Variants in INO80 observed in about 807,000 individuals in gnomAD.
The protein encoded by INO80 is INO80 complex ATPase subunit.
In INO80, 20 loss-of-function variants were observed where a neutral mutation model predicts 203.4. The ratio of observed to expected loss-of-function variants is 0.10; its 90% confidence interval spans 0.07 to 0.14. The LOEUF (loss-of-function observed/expected upper bound fraction) is 0.14. Ranked by LOEUF, INO80 falls within the 10% of genes least tolerant of loss-of-function variation. The probability of loss-of-function intolerance (pLI) is 1.00; values close to 1 mark genes in which losing one functional copy is unlikely to be tolerated. For synonymous variants in INO80, 726 were observed against 685.2 expected (o/e 1.06, Z -0.93); for missense variants, 1,419 against 1,914.4 (o/e 0.74, Z 4.83).
At chr15:41,083,029 T>C (rs2045507765) in intron 7 of INO80, among the ~76,000 whole-genome samples, 1 of 151,798 alleles carries the variant, frequency 6.6e-6, no homozygotes, top group African/African-American at 2.4e-5. Flanking sequence ...ACGTCTGCAA[T>C]CCCGGCACTA....
intron 29 of INO80, among the ~76,000 whole-genome samples, chr15:40,994,486 C>A (rs1415499893): frequency 6.6e-6 from 1 of 152,032 alleles, no homozygotes; most frequent in Non-Finnish European, 1.5e-5. Flanking sequence ...GCCTCAGCCT[C>A]CCGAGTAGCT....
intron 13 of INO80, 152 bp from the exon 14 acceptor site, chr15:41,069,817 T>C (rs1165748673): frequency 3.4e-6 from 2 of 589,274 alleles, no homozygotes; most frequent in Non-Finnish European, 5.9e-6. Context: ...AATAGTAATA[T>C]CCTATGTTAA....
rs780020254 is a variant in INO80 at position 40,984,185 on chromosome 15, A to G, written c.4077+12T>C. The G allele has an allele frequency of 3.1e-6, 5 of 1,612,102 alleles. 1 individual carries two copies. The South Asian group carries it at 5.5e-5, about 18-fold the overall frequency. Reference sequence around the variant, plus strand: ...TTACGGCTGTGATGCAGGCATCTAAAAGGAGCCTCACCTCACTGAAAGGGC... The same window carrying G: ...TTACGGCTGTGATGCAGGCATCTAAGAGGAGCCTCACCTCACTGAAAGGGC... On this transcript the variant is annotated intron_variant, in intron 33 of 35. Transcript: ENST00000648947.
intron 4 of INO80, among the ~76,000 whole-genome samples, chr15:41,094,290 T>C (rs2045687877): frequency 6.6e-6 from 1 of 152,176 alleles, no homozygotes; most frequent in South Asian, 2.1e-4. Context: ...ACCATCCTCC[T>C]CATTCACTGT....
chr15:41,087,141 A>C (rs1488179912), intron 6 of INO80, among the ~76,000 whole-genome samples: 4 of 152,170 alleles, frequency 2.6e-5, no homozygotes, highest in African/African-American at 7.2e-5. Context: ...GGAAAAAAAA[A>C]AAAGAATGGT....
rs1334300455 is a variant in INO80 at position 40,982,974 on chromosome 15, G to T, written c.4341C>A (p.Gly1447=). ...TGCCTGCCGTGGACTTTCGGCTCCG[G>T]CCCTTCCCTGCTCCTTTGGCTGTGC... ...SGSTAKGAGK[G]RSRKSTAGSA... Residue 1447 remains glycine, a synonymous_variant, in exon 35 of 36, where the codon GGC becomes GGA. Coordinates refer to ENST00000648947, the MANE Select transcript of INO80 (RefSeq NM_017553.3). 6.2e-7 allele frequency: 1 copy of T among 1,614,192 alleles called. No homozygotes were observed. Among genetic ancestry groups the T allele is most frequent in the East Asian group, 2.2e-5 (1 of 44,888 alleles).
intron 1 of INO80, among the ~76,000 whole-genome samples, chr15:41,110,790 T>G (rs907854954): frequency 6.6e-6 from 1 of 152,222 alleles, no homozygotes; most frequent in African/African-American, 2.4e-5. Context: ...TTTCCCCTTC[T>G]AAAAACATGA....
At chr15:41,113,594 A>C (rs1185342224) in intron 1 of INO80, among the ~76,000 whole-genome samples, 1 of 151,986 alleles carries the variant, frequency 6.6e-6, no homozygotes, top group Non-Finnish European at 1.5e-5. Context: ...GTGAACCTCT[A>C]ACACCACAGC....
At chr15:40,990,542 A>G (rs1174128519) in intron 29 of INO80, among the ~76,000 whole-genome samples, 1 of 152,118 alleles carries the variant, frequency 6.6e-6, no homozygotes. Context: ...GTTTCCCTCC[A>G]TTTTTAGCAC....
Position 40,992,160 on chromosome 15 carries a change from C to T in INO80, c.3571-4186G>A, listed in dbSNP as rs545041268. On this transcript the variant is annotated intron_variant, in intron 29 of 35. Transcript: ENST00000648947. Reference sequence around the variant, plus strand: ...GAGCTTTTTCTCCCAAGAGAATAAGCGGAGGTTCGGCCTCTGCAGAGGGCT... The same window carrying T: ...GAGCTTTTTCTCCCAAGAGAATAAGTGGAGGTTCGGCCTCTGCAGAGGGCT... 1.1e-4 allele frequency among the ~76,000 whole-genome samples: 17 copies of T among 152,336 alleles called. 1 individual carries two copies. The East Asian group carries it at 1.9e-3, about 17-fold the overall frequency.
intron 24 of INO80, among the ~76,000 whole-genome samples, chr15:41,043,693 A>G (rs532999212): frequency 6.6e-6 from 1 of 152,186 alleles, no homozygotes; most frequent in Non-Finnish European, 1.5e-5. Context: ...CTAAACTTCA[A>G]TCTAGCTGAA....
At chr15:41,030,412 G>C (rs969598432) in intron 24 of INO80, among the ~76,000 whole-genome samples, 2 of 152,142 alleles carry the variant, frequency 1.3e-5, no homozygotes, top group African/African-American at 4.8e-5. Context: ...ACCCAGGCTG[G>C]AGTGCAGTGG....
At chr15:40,982,761 G>T in intron 35 of INO80, 101 bp downstream of exon 35, 1 of 951,402 alleles carries the variant, frequency 1.1e-6, no homozygotes, top group Non-Finnish European at 1.6e-6. Context: ...TAGGAAGAAA[G>T]CTCCCGGCTT....
chr15:41,072,784 TTTC>T (rs2045343636), intron 11 of INO80, among the ~76,000 whole-genome samples: 2 of 145,936 alleles, frequency 1.4e-5, no homozygotes, highest in African/African-American at 5.3e-5. Flanking sequence ...GTGTGGTCTT[TTTC>T]TTTTTTTTTT....
In INO80 at chr15:40,980,015, C is replaced by T. The variant is rs553282424; in HGVS notation, c.*208G>A. ...GTGGGGCTGATCCATGCCCTGTGGC[C>T]TTCCTCCTACAGGCACCCCAGATGC... On this transcript the variant is annotated 3_prime_UTR_variant, in exon 36 of 36. Coordinates refer to ENST00000648947, the MANE Select transcript of INO80 (RefSeq NM_017553.3). 3.4e-6 allele frequency: 2 copies of T among 590,052 alleles called. No individual in the cohort carries two copies. Among genetic ancestry groups the T allele is most frequent in the East Asian group, 5.7e-5 (2 of 34,974 alleles). The allele number at this position is 590,052 out of a possible 1,614,324, so 36.6% of individuals were successfully genotyped here.
intron 7 of INO80, 93 bp downstream of exon 7, chr15:41,085,276 T>C: frequency 9.5e-7 from 1 of 1,053,774 alleles, no homozygotes; most frequent in South Asian, 1.4e-5. Context: ...AGAATTCCTA[T>C]CTGTGAAAGT....
At chr15:41,058,593 G>T in intron 16 of INO80, 46 bp downstream of exon 16, 4 of 1,461,254 alleles carry the variant, frequency 2.7e-6, no homozygotes, top group Non-Finnish European at 3.8e-6. Flanking sequence ...GTGTGTGTGT[G>T]TACTTAACCC....
At chr15:41,040,763 C>A (rs934473907) in intron 24 of INO80, among the ~76,000 whole-genome samples, 9 of 151,066 alleles carry the variant, frequency 6.0e-5, no homozygotes, top group Non-Finnish European at 1.0e-4. Flanking sequence ...GGCAACAGAA[C>A]AATTCAGATC....
chr15:41,108,824 T>A (rs1052606618), intron 1 of INO80: 1 of 152,234 alleles, frequency 6.6e-6, no homozygotes, highest in Non-Finnish European at 1.5e-5. Context: ...AGGACGTCCA[T>A]CCTCAGAACC....
Sources: gnomAD v4.1 joint callset for allele counts (sites outside exome capture counted in the v4.1 genomes callset) on GRCh38, gnomAD v4.1.1 for gene constraint, MANE v1.5 for transcripts, NCBI Gene and HGNC (gene_info 2026-07-23, HGNC 2026-07-21) for gene names.